GRID2: variants seen among roughly 807,000 people sequenced by gnomAD.
GRID2 encodes glutamate receptor ionotropic, delta-2.
A neutral mutation model predicts 114.8 loss-of-function variants in GRID2; 33 were observed. The ratio of observed to expected loss-of-function variants is 0.29; its 90% CI spans 0.22 to 0.38. The LOEUF (loss-of-function observed/expected upper bound fraction) is 0.38. Among genes scored for constraint, GRID2 ranks in the 10% least tolerant of loss-of-function variants. The pLI is 1.00. For missense variants in GRID2, 1,184 were observed against 1,257.7 expected (o/e 0.94, Z 0.89); for synonymous variants, 505 against 449.9 (o/e 1.12, Z -1.55).
chr4:92,784,238 A>G (rs1378201341), intron 2 of GRID2, among the ~76,000 whole-genome samples: 1 of 151,972 alleles, frequency 6.6e-6, no homozygotes, highest in African/African-American at 2.4e-5. Context: ...AATTTAAAAC[A>G]TATTTCCAAC....
intron 2 of GRID2, among the ~76,000 whole-genome samples, chr4:92,684,329 T>A (rs1338983081): frequency 6.6e-6 from 1 of 151,110 alleles, no homozygotes; most frequent in African/African-American, 2.4e-5. Flanking sequence ...ATTTCTTGGA[T>A]TTTTTTTTAC....
At chr4:93,179,006 CT>C (rs2149432985) in intron 4 of GRID2, among the ~76,000 whole-genome samples, 1 of 152,034 alleles carries the variant, frequency 6.6e-6, no homozygotes, top group East Asian at 1.9e-4. Context: ...AATAGTTTTG[CT>C]TGATATATGA....
intron 4 of GRID2, among the ~76,000 whole-genome samples, chr4:93,145,861 C>CACAT (rs899435654): frequency 1.1e-5 from 1 of 93,304 alleles, no homozygotes; most frequent in South Asian, 3.2e-4. Context: ...TGCACACACA[C>CACAT]ACATACACAC....
chr4:93,137,177 A>T (rs1269702450), intron 4 of GRID2, among the ~76,000 whole-genome samples: 1 of 152,158 alleles, frequency 6.6e-6, no homozygotes. Flanking sequence ...CCCTTCTCAA[A>T]TTTCAGTAGG....
At position 92,750,708 on chromosome 4, in the gene GRID2, T is replaced by C. The variant is rs574655443; in HGVS notation, c.244+160422T>C. 1.7e-3 allele frequency among the ~76,000 whole-genome samples: 259 copies of C among 152,334 alleles called. 1 individual carries two copies. Among genetic ancestry groups the C allele is most frequent in the Non-Finnish European group, 2.8e-3 (193 of 68,030 alleles). ...TTAATATCTTCTATGTTACAAAAAG[T>C]GTTTGAAGGAGTGTCTGCCTTATCA... On this transcript the variant is annotated intron_variant, in intron 2 of 15. Transcript: ENST00000282020.
At chr4:93,057,685 A>AAG (rs1350111351) in intron 2 of GRID2, among the ~76,000 whole-genome samples, 4 of 151,922 alleles carry the variant, frequency 2.6e-5, no homozygotes, top group African/African-American at 9.7e-5. Flanking sequence ...GTCTGGGAAG[A>AAG]AGAGTATTTG....
chr4:93,467,742 C>T (rs1220395755), intron 11 of GRID2, among the ~76,000 whole-genome samples: 1 of 152,192 alleles, frequency 6.6e-6, no homozygotes, highest in Non-Finnish European at 1.5e-5. Context: ...TAATAAATCA[C>T]TCCATCTTAT....
At chr4:93,511,152 G>C (rs1327656894) in intron 12 of GRID2, among the ~76,000 whole-genome samples, 1 of 152,006 alleles carries the variant, frequency 6.6e-6, no homozygotes, top group African/African-American at 2.4e-5. Context: ...GGCCAGGCTG[G>C]TCTCAATATC....
chr4:93,047,631 T>A (rs1726277696), intron 2 of GRID2, among the ~76,000 whole-genome samples: 1 of 152,100 alleles, frequency 6.6e-6, no homozygotes, highest in Non-Finnish European at 1.5e-5. Flanking sequence ...ATTATTGTAC[T>A]TATCATAGAA....
At chr4:93,423,916 G>C (rs1455160154) in intron 10 of GRID2, among the ~76,000 whole-genome samples, 1 of 151,362 alleles carries the variant, frequency 6.6e-6, no homozygotes, top group Non-Finnish European at 1.5e-5. Context: ...GTTTTTCTTG[G>C]GGTTAATTAA....
chr4:93,131,633 A>T (rs1734813952), intron 4 of GRID2, among the ~76,000 whole-genome samples: 1 of 151,728 alleles, frequency 6.6e-6, no homozygotes, highest in Non-Finnish European at 1.5e-5. Context: ...TTTATTTTTA[A>T]TTTTTATAGA....
At chr4:93,063,905 A>G (rs1182623213) in intron 2 of GRID2, among the ~76,000 whole-genome samples, 1 of 151,500 alleles carries the variant, frequency 6.6e-6, no homozygotes, top group South Asian at 2.1e-4. Flanking sequence ...CCTACCGTGT[A>G]GTTTCTAAAT....
At chr4:93,042,215 T>G (rs1725585887) in intron 2 of GRID2, among the ~76,000 whole-genome samples, 1 of 151,094 alleles carries the variant, frequency 6.6e-6, no homozygotes, top group African/African-American at 2.4e-5. Context: ...AATATACATC[T>G]TAAAATATAT....
chr4:92,750,051 G>A (rs1737369915), intron 2 of GRID2, among the ~76,000 whole-genome samples: 2 of 152,188 alleles, frequency 1.3e-5, no homozygotes, highest in Non-Finnish European at 1.5e-5. Context: ...AGTAGAGACA[G>A]GGTTTCTCCA....
intron 2 of GRID2, among the ~76,000 whole-genome samples, chr4:92,679,596 G>C (rs1360140724): frequency 6.6e-6 from 1 of 151,920 alleles, no homozygotes; most frequent in Non-Finnish European, 1.5e-5. Flanking sequence ...TATTGTTAAG[G>C]AAGTAAGGTA....
At chr4:92,753,475 G>A (rs781063282) in intron 2 of GRID2, among the ~76,000 whole-genome samples, 1 of 152,178 alleles carries the variant, frequency 6.6e-6, no homozygotes, top group Non-Finnish European at 1.5e-5. Flanking sequence ...CTTACTAAAA[G>A]CATCCTTATG....
At chr4:93,404,704 A>T in intron 9 of GRID2, among the ~76,000 whole-genome samples, 1 of 152,116 alleles carries the variant, frequency 6.6e-6, no homozygotes, top group East Asian at 1.9e-4. Flanking sequence ...TATCCAACTT[A>T]TGGGTAAGGC....
chr4:93,758,226 T>C (rs893220358), intron 14 of GRID2, among the ~76,000 whole-genome samples: 2 of 152,174 alleles, frequency 1.3e-5, no homozygotes, highest in Admixed American at 1.3e-4. Flanking sequence ...AAAAAATAGT[T>C]TAGACTTCCC....
intron 1 of GRID2, among the ~76,000 whole-genome samples, chr4:92,536,121 G>C (rs376817926): frequency 2.6e-5 from 4 of 152,204 alleles, no homozygotes; most frequent in African/African-American, 9.6e-5. Flanking sequence ...CACTGCTTGC[G>C]CCGGTGGCCT....
Sources: gnomAD v4.1 joint callset for allele counts (sites outside exome capture counted in the v4.1 genomes callset) on GRCh38, gnomAD v4.1.1 for gene constraint, MANE v1.5 for transcripts, NCBI Gene and HGNC (gene_info 2026-07-23, HGNC 2026-07-21) for gene names.